Variants in STARD9 observed in about 807,000 individuals in gnomAD.
STARD9 encodes StAR related lipid transfer domain containing 9.
Under a neutral mutation model 399.8 loss-of-function variants are expected in STARD9, and 346 were observed. The observed-to-expected ratio is 0.87, with a 90% confidence interval of 0.79 to 0.95. The LOEUF is 0.95. STARD9 is among the 40% of genes least tolerant of loss of function. STARD9 has a pLI of 0.00. For missense variants in STARD9, 5,832 were observed against 5,667.5 expected (o/e 1.03, Z -0.93); for synonymous variants, 2,203 against 2,143.5 (o/e 1.03, Z -0.77).
chr15:42,687,884 C>T lies in STARD9; in HGVS notation c.6306C>T (p.Asp2102=). The T allele has an allele frequency of 6.5e-7, 1 of 1,537,208 alleles. No homozygotes were observed. Among genetic ancestry groups the T allele is most frequent in the Non-Finnish European group, 8.7e-7 (1 of 1,146,938 alleles). Residue 2102 remains aspartate, a synonymous_variant, in exon 23 of 33, where the codon GAC becomes GAT. Coordinates refer to ENST00000290607, the MANE Select transcript of STARD9 (RefSeq NM_020759.3). The part of the protein sequence containing the change: ...QEKTDHAFRP[D]SSGNPLPSKD... ...AGACTGACCATGCCTTTAGGCCAGA[C>T]AGCTCTGGAAACCCTTTGCCCTCTA...
chr15:42,662,434 G>T (rs2060009668), intron 10 of STARD9, among the ~76,000 whole-genome samples: 1 of 152,038 alleles, frequency 6.6e-6, no homozygotes, highest in Non-Finnish European at 1.5e-5. Flanking sequence ...TCAGCTAACG[G>T]CACAAATACC....
In STARD9 at chr15:42,694,652, TG is replaced by T; in HGVS notation, c.12892del (p.Asp4298IlefsTer15). ...SLLPNKDLFI[W>X]DLDLPSRRRE... ...CCTGCCCAACAAAGATCTCTTCATC[TG>T]GGATCTTGACTTGCCCAGCAGACGC... On this transcript the variant is annotated frameshift_variant, in exon 24 of 33. Coordinates refer to ENST00000290607, the MANE Select transcript of STARD9 (RefSeq NM_020759.3). LOFTEE classifies it high-confidence loss of function. 1 of 1,537,162 alleles carries T rather than the reference TG, an allele frequency of 6.5e-7. No individual in the cohort carries two copies. The highest frequency in any genetic ancestry group is 1.2e-5 in the South Asian group (1 of 84,048).
Position 42,652,586 on chromosome 15 carries a change from C to T in STARD9, c.696C>T (p.Tyr232=). 1 of 1,537,464 alleles carries T rather than the reference C, an allele frequency of 6.5e-7. No homozygotes were observed. Among genetic ancestry groups the T allele is most frequent in the South Asian group, 1.2e-5 (1 of 84,060 alleles). The change falls in exon 9 of 33, where the codon TAC becomes TAT. Residue 232 remains tyrosine, a synonymous_variant. Coordinates refer to ENST00000290607, the MANE Select transcript of STARD9 (RefSeq NM_020759.3). ...SRSHAIFTIH[Y]TQAILENNLP... ...CCCACGCCATTTTCACGATCCACTA[C>T]ACGCAGGTTGGTAACTCCTTATGTT...
Position 42,685,442 on chromosome 15 carries a change from A to T in STARD9, c.3864A>T (p.Gln1288His). 6.5e-7 allele frequency: 1 copy of T among 1,536,698 alleles called. No individual in the cohort carries two copies. The highest frequency in any genetic ancestry group is 1.2e-5 in the South Asian group (1 of 83,996). ...DPQFQPHCEL[Q>H]PHCELQPHCE... is the part of the protein sequence containing the mutation. ...AGTTCCAACCCCATTGTGAGCTCCA[A>T]CCCCATTGTGAGCTCCAACCCCATT... is the stretch of plus-strand genomic sequence containing the variant. Residue 1288 changes from glutamine (Q) to histidine (H), a missense_variant, in exon 23 of 33, where the codon CAA becomes CAT. Gln to His is a conservative substitution (Grantham distance 24, BLOSUM62 0). Transcript: ENST00000290607.
At chr15:42,594,194 A>C in intron 3 of STARD9, among the ~76,000 whole-genome samples, 1 of 152,202 alleles carries the variant, frequency 6.6e-6, no homozygotes, top group East Asian at 1.9e-4. Context: ...GAGAGGCTTC[A>C]GAGGGAAACC....
intron 3 of STARD9, among the ~76,000 whole-genome samples, chr15:42,590,928 T>C (rs1389245665): frequency 6.6e-6 from 1 of 152,112 alleles, no homozygotes; most frequent in South Asian, 2.1e-4. Context: ...GCTCCAACAT[T>C]GGGGGTCACA....
chr15:42,704,068 C>T (rs918318311), intron 26 of STARD9, among the ~76,000 whole-genome samples: 5 of 151,956 alleles, frequency 3.3e-5, no homozygotes, highest in Non-Finnish European at 5.9e-5. Context: ...ACACAGCGCC[C>T]GGCTAATTTT....
chr15:42,628,787 G>A (rs913647722), intron 3 of STARD9, among the ~76,000 whole-genome samples: 3 of 152,040 alleles, frequency 2.0e-5, no homozygotes, highest in Middle Eastern at 3.2e-3. Context: ...ATTGGTCTGC[G>A]TGTCTGTTTT....
chr15:42,718,364 C>A, intron 30 of STARD9, 71 bp from the exon 31 acceptor site: 1 of 1,366,108 alleles, frequency 7.3e-7, no homozygotes, highest in Non-Finnish European at 1.0e-6. Flanking sequence ...GGGAGGGCTC[C>A]CTGACCAGGA....
At chr15:42,649,157 G>A (rs1281010349) in intron 7 of STARD9, among the ~76,000 whole-genome samples, 5 of 152,040 alleles carry the variant, frequency 3.3e-5, no homozygotes, top group South Asian at 2.1e-4. Flanking sequence ...AGCCTCCCGA[G>A]TAGCTGGGAT....
intron 3 of STARD9, among the ~76,000 whole-genome samples, chr15:42,589,257 G>A (rs796132625): frequency 1.3e-5 from 2 of 152,130 alleles, no homozygotes; most frequent in African/African-American, 4.8e-5. Context: ...TTGCTGTATT[G>A]TCTAGGCTGG....
chr15:42,671,658 A>G (rs1187496480), intron 16 of STARD9: 4 of 151,256 alleles, frequency 2.6e-5, no homozygotes, highest in Non-Finnish European at 5.9e-5. Context: ...GTACTGTGGC[A>G]TGTCTGGGCA....
chr15:42,699,199 A>C (rs1372493761), intron 26 of STARD9, among the ~76,000 whole-genome samples: 1 of 152,008 alleles, frequency 6.6e-6, no homozygotes, highest in Non-Finnish European at 1.5e-5. Context: ...CTTTCTAGCC[A>C]ACTTGAAATA....
chr15:42,660,816 G>GC (rs1450138386), intron 9 of STARD9, among the ~76,000 whole-genome samples: 3 of 152,060 alleles, frequency 2.0e-5, no homozygotes, highest in Non-Finnish European at 4.4e-5. Context: ...AAGAGTCAGA[G>GC]CCCCCTGGGA....
At chr15:42,637,991 C>T in intron 5 of STARD9, 35 bp from the exon 6 acceptor site, 2 of 1,537,244 alleles carry the variant, frequency 1.3e-6, no homozygotes, top group Non-Finnish European at 1.7e-6. Context: ...CTCTACAATT[C>T]CTACAATGAA....
At chr15:42,706,595 G>A (rs1031632472) in intron 26 of STARD9, among the ~76,000 whole-genome samples, 5 of 151,988 alleles carry the variant, frequency 3.3e-5, no homozygotes, top group African/African-American at 9.6e-5. Context: ...GATTACAGGC[G>A]CCTGCCACCA....
chr15:42,684,711 C>G lies in STARD9; in HGVS notation c.3133C>G (p.Gln1045Glu), dbSNP rs1269096211. The change falls in exon 23 of 33, where the codon CAG becomes GAG. Residue 1045 changes from glutamine (Q) to glutamate (E), a missense_variant. Around this residue, in one of 2 missense-constraint regions of STARD9, gnomAD observed 5,828 missense variants for 5,651.1 expected, o/e 1.03. Coordinates refer to ENST00000290607, the MANE Select transcript of STARD9 (RefSeq NM_020759.3). ...TCCAAGCAGGGCATCAAAAAGGCATCAGAGGGTTCTGGCAACTAGGGTCAG... is the reference window on the plus strand; with the variant it reads ...TCCAAGCAGGGCATCAAAAAGGCATGAGAGGGTTCTGGCAACTAGGGTCAG... ...PSPSRASKRH[Q>E]RVLATRVRNI... 6.5e-7 allele frequency: 1 copy of G among 1,537,098 alleles called. No homozygotes were observed. The highest frequency in any genetic ancestry group is 2.0e-5 in the Admixed American group (1 of 50,980).
intron 3 of STARD9, among the ~76,000 whole-genome samples, chr15:42,618,958 A>G (rs1182124963): frequency 1.3e-5 from 2 of 151,626 alleles, no homozygotes; most frequent in African/African-American, 2.4e-5. Flanking sequence ...GGCATTATCT[A>G]TTTCATTGTT....
chr15:42,708,380 T>C (rs765798708), intron 26 of STARD9, among the ~76,000 whole-genome samples: 2 of 152,236 alleles, frequency 1.3e-5, no homozygotes, highest in African/African-American at 2.4e-5. Context: ...TGCCCATTCA[T>C]GTACATGTCT....
Sources: allele counts gnomAD v4.1 joint callset (sites outside exome capture counted in the v4.1 genomes callset), GRCh38; gene constraint gnomAD v4.1.1; regional missense constraint gnomAD v4.1.1; transcripts MANE v1.5; gene names NCBI Gene and HGNC (gene_info 2026-07-23, HGNC 2026-07-21).